Variants in SEMA6D observed in about 807,000 individuals in gnomAD.
The protein encoded by SEMA6D is semaphorin 6D.
SEMA6D carries 35 observed loss-of-function variants against 106.6 expected under a neutral mutation model. The ratio of observed to expected loss-of-function variants is 0.33; its 90% CI spans 0.25 to 0.44. SEMA6D has a LOEUF of 0.44. Among genes scored for constraint, SEMA6D ranks in the 20% least tolerant of loss-of-function variants. The probability of loss-of-function intolerance (pLI) is 1.00; values close to 1 mark genes in which losing one functional copy is unlikely to be tolerated. For missense variants in SEMA6D, 1,185 were observed against 1,345.9 expected, an observed-to-expected ratio of 0.88 and a Z score of 1.87; for synonymous variants, 499 against 487.7, an observed-to-expected ratio of 1.02 and a Z score of -0.31.
chr15:47,385,689 A>C (rs1297444200), intron 1 of SEMA6D, among the ~76,000 whole-genome samples: 1 of 152,160 alleles, frequency 6.6e-6, no homozygotes, highest in Non-Finnish European at 1.5e-5. Context: ...TTTTTTTTAA[A>C]AAAAACAAGA....
intron 1 of SEMA6D, among the ~76,000 whole-genome samples, chr15:47,408,503 A>T (rs549077659): frequency 6.6e-6 from 1 of 152,352 alleles, no homozygotes; most frequent in Non-Finnish European, 1.5e-5. Flanking sequence ...TAAATAACTT[A>T]TAATGCTTGC....
intron 1 of SEMA6D, among the ~76,000 whole-genome samples, chr15:47,368,610 A>G (rs984677625): frequency 2.0e-5 from 3 of 151,872 alleles, no homozygotes; most frequent in African/African-American, 7.2e-5. Context: ...AGCTGGGACT[A>G]CAGGCGCCCG....
intron 1 of SEMA6D, among the ~76,000 whole-genome samples, chr15:47,377,265 C>CA (rs1187591609): frequency 6.6e-6 from 1 of 152,104 alleles, no homozygotes; most frequent in Non-Finnish European, 1.5e-5. Flanking sequence ...TGTGTCTTAA[C>CA]GAATGAAATG....
At chr15:47,484,588 G>C (rs960186319) in intron 3 of SEMA6D, among the ~76,000 whole-genome samples, 1 of 152,040 alleles carries the variant, frequency 6.6e-6, no homozygotes, top group African/African-American at 2.4e-5. Flanking sequence ...AAGTATATAA[G>C]ATATTATTAC....
At chr15:47,605,396 A>G (rs2076757584) in intron 4 of SEMA6D, 1 of 152,254 alleles carries the variant, frequency 6.6e-6, no homozygotes, top group African/African-American at 2.4e-5. Context: ...AGAACAAGCA[A>G]TAAATCTAAG....
intron 2 of SEMA6D, among the ~76,000 whole-genome samples, chr15:47,439,855 A>G (rs909226156): frequency 6.6e-6 from 1 of 152,124 alleles, no homozygotes; most frequent in South Asian, 2.1e-4. Context: ...GAAGATCACA[A>G]CTGCCAAGAG....
chr15:47,488,234 C>T (rs1054315461), intron 3 of SEMA6D, among the ~76,000 whole-genome samples: 1 of 150,904 alleles, frequency 6.6e-6, no homozygotes, highest in Non-Finnish European at 1.5e-5. Flanking sequence ...ACATGAAAAA[C>T]CCTTTCTTTC....
chr15:47,314,826 C>G (rs908686051), intron 1 of SEMA6D, among the ~76,000 whole-genome samples: 4 of 144,294 alleles, frequency 2.8e-5, no homozygotes, highest in African/African-American at 7.8e-5. Flanking sequence ...CAGTCATCAT[C>G]AAACCCAAAT....
chr15:47,591,356 C>T (rs1042831442), intron 3 of SEMA6D, among the ~76,000 whole-genome samples: 13 of 152,174 alleles, frequency 8.5e-5, no homozygotes, highest in Admixed American at 6.6e-5. Flanking sequence ...AACATGCAAC[C>T]CAGTAGCACA....
Position 47,348,729 on chromosome 15 carries a change from G to C in SEMA6D, c.-238-63664G>C, listed in dbSNP as rs74011409. ...CACACACACACACACCACACACACA[G>C]AGAGAGAGAGAGAGAGAGAGAGAGA... On this transcript the variant is annotated intron_variant, in intron 1 of 19. Transcript: ENST00000558014. Among the ~76,000 whole-genome samples the C allele has an allele frequency of 7.0e-3, 322 of 46,080 alleles. 4 individuals carry two copies. Among genetic ancestry groups the C allele is most frequent in the African/African-American group, 0.012 (309 of 24,758 alleles). The allele number at this position is 46,080 out of a possible 152,430, so 30.2% of individuals were successfully genotyped here.
intron 4 of SEMA6D, among the ~76,000 whole-genome samples, chr15:47,639,775 A>C (rs1018716352): frequency 7.9e-5 from 12 of 152,200 alleles, no homozygotes; most frequent in Non-Finnish European, 1.8e-4. Flanking sequence ...ACATCATGCA[A>C]ATTCCACTGG....
At chr15:47,384,215 T>G (rs2039739138) in intron 1 of SEMA6D, among the ~76,000 whole-genome samples, 1 of 152,216 alleles carries the variant, frequency 6.6e-6, no homozygotes, top group African/African-American at 2.4e-5. Flanking sequence ...CCAAACATTG[T>G]ATGCATGTTT....
intron 2 of SEMA6D, among the ~76,000 whole-genome samples, chr15:47,440,917 C>G (rs1888841967): frequency 6.6e-6 from 1 of 152,032 alleles, no homozygotes; most frequent in African/African-American, 2.4e-5. Context: ...ATTTATAATT[C>G]TTTCTTTGAC....
intron 1 of SEMA6D, among the ~76,000 whole-genome samples, chr15:47,273,448 C>A (rs2034653139): frequency 6.6e-6 from 1 of 152,128 alleles, no homozygotes. Flanking sequence ...TGAATAAAAG[C>A]TTTTGATAGT....
intron 1 of SEMA6D, among the ~76,000 whole-genome samples, chr15:47,270,691 T>G (rs2034521187): frequency 6.6e-6 from 1 of 152,168 alleles, no homozygotes; most frequent in African/African-American, 2.4e-5. Context: ...CAACCCATCG[T>G]TTTAAAAAAT....
chr15:47,487,799 G>A (rs2043341455), intron 3 of SEMA6D, among the ~76,000 whole-genome samples: 1 of 152,112 alleles, frequency 6.6e-6, no homozygotes, highest in Non-Finnish European at 1.5e-5. Flanking sequence ...TTTCCCTGGT[G>A]TTGTTATCTA....
At chr15:47,223,017 A>T (rs1302780214) in intron 1 of SEMA6D, among the ~76,000 whole-genome samples, 1 of 152,168 alleles carries the variant, frequency 6.6e-6, no homozygotes, top group Non-Finnish European at 1.5e-5. Flanking sequence ...CCCACTAAGG[A>T]CCATGGGCAT....
chr15:47,347,661 T>A (rs1165970008), intron 1 of SEMA6D, among the ~76,000 whole-genome samples: 1 of 152,214 alleles, frequency 6.6e-6, no homozygotes, highest in Non-Finnish European at 1.5e-5. Context: ...TGGTGTATCT[T>A]AGAAGCTAGA....
chr15:47,400,178 A>T (rs1281418516), intron 1 of SEMA6D, among the ~76,000 whole-genome samples: 1 of 152,198 alleles, frequency 6.6e-6, no homozygotes, highest in Admixed American at 6.5e-5. Context: ...GCTACTTCCC[A>T]GCGAACACAC....
Sources: gnomAD v4.1 joint callset for allele counts (sites outside exome capture counted in the v4.1 genomes callset) on GRCh38, gnomAD v4.1.1 for gene constraint, MANE v1.5 for transcripts, NCBI Gene and HGNC (gene_info 2026-07-23, HGNC 2026-07-21) for gene names.